The following GALNT16 variants were observed in gnomAD, a reference collection of about 807,000 sequenced individuals.
GALNT16 encodes the protein polypeptide N-acetylgalactosaminyltransferase 16.
GALNT16 carries 40 observed loss-of-function variants against 76.1 expected under a neutral mutation model. The ratio of observed to expected loss-of-function variants is 0.53; its 90% CI spans 0.41 to 0.68. The LOEUF (loss-of-function observed/expected upper bound fraction) is 0.68, where lower values mean the gene tolerates loss of function less well. Ranked by LOEUF, GALNT16 falls within the 30% of genes least tolerant of loss-of-function variation. The probability of loss-of-function intolerance (pLI) is 0.00; values close to 1 mark genes in which losing one functional copy is unlikely to be tolerated. For synonymous variants in GALNT16, 276 were observed against 285.2 expected (o/e 0.97, Z 0.32); for missense variants, 621 against 731.9 (o/e 0.85, Z 1.75).
At chr14:69,265,405 G>A (rs546035414) in intron 1 of GALNT16, among the ~76,000 whole-genome samples, 103 of 152,302 alleles carry the variant, frequency 6.8e-4, no homozygotes, top group African/African-American at 2.5e-3. Context: ...TTCTTCCATG[G>A]TGGCTGTGTT....
chr14:69,300,787 A>G (rs1446472090), intron 1 of GALNT16, among the ~76,000 whole-genome samples: 1 of 152,090 alleles, frequency 6.6e-6, no homozygotes, highest in Non-Finnish European at 1.5e-5. Flanking sequence ...AATTAAAGCA[A>G]AACTCCTGTT....
chr14:69,359,356 T>C (rs2045710434), downstream of GALNT16: 1 of 152,240 alleles, frequency 6.6e-6, no homozygotes, highest in African/African-American at 2.4e-5. Flanking sequence ...ATAAAGCATT[T>C]TGGCATTTAG....
At chr14:69,356,552 C>CTTTTTTT (rs771252426), downstream of GALNT16, 1 of 81,078 alleles carries the variant, frequency 1.2e-5, no homozygotes, top group East Asian at 2.6e-4. Flanking sequence ...CAGCTGTGAG[C>CTTTTTTT]TCTTTTTTTT....
chr14:69,337,898 A>C (rs1461602844), intron 9 of GALNT16, among the ~76,000 whole-genome samples: 1 of 152,182 alleles, frequency 6.6e-6, no homozygotes, highest in African/African-American at 2.4e-5. Context: ...GGAAGAGACT[A>C]TAGGGTTAAT....
the GALNT16 span, among the ~76,000 whole-genome samples, chr14:69,372,957 T>C: frequency 1.1e-4 from 17 of 152,202 alleles, no homozygotes; most frequent in Non-Finnish European, 1.2e-4. Context: ...AGCATTGTGG[T>C]AATCCTTCCT....
chr14:69,336,860 G>C (rs901621921), intron 9 of GALNT16, among the ~76,000 whole-genome samples: 7 of 151,928 alleles, frequency 4.6e-5, no homozygotes, highest in Admixed American at 4.6e-4. Context: ...AAATAGCTGG[G>C]ACTACAGGTG....
At chr14:69,296,767 T>C (rs562546310) in intron 1 of GALNT16, among the ~76,000 whole-genome samples, 5 of 130,998 alleles carry the variant, frequency 3.8e-5, no homozygotes, top group African/African-American at 1.3e-4. Context: ...GATAGATAGA[T>C]AGACAGATAG....
chr14:69,261,115 G>A lies in GALNT16; in HGVS notation c.177+648G>A, dbSNP rs1332421188. Reference sequence around the variant, plus strand: ...ACCTTAGGGTCCGCCACCACGGGTAGGTGGGCAGTGTCAGCGCCCGAACTT... The same window carrying A: ...ACCTTAGGGTCCGCCACCACGGGTAAGTGGGCAGTGTCAGCGCCCGAACTT... On this transcript the variant is annotated intron_variant, in intron 1 of 14. Transcript: ENST00000448469. The surrounding 1 kb of genome is among the most constrained non-coding windows in gnomAD (Gnocchi z 6.4). Among the ~76,000 whole-genome samples the A allele has an allele frequency of 5.3e-5, 8 of 152,344 alleles. No homozygotes were observed. Among genetic ancestry groups the A allele is most frequent in the African/African-American group, 1.7e-4 (7 of 41,590 alleles).
intron 11 of GALNT16, 83 bp downstream of exon 11, chr14:69,339,702 A>T (rs1038541628): frequency 5.6e-5 from 47 of 835,652 alleles, no homozygotes; most frequent in Non-Finnish European, 8.8e-5. Context: ...TATGTACGCC[A>T]GGGAACCACC....
the GALNT16 span, among the ~76,000 whole-genome samples, chr14:69,376,353 C>T: frequency 6.6e-6 from 1 of 152,194 alleles, no homozygotes; most frequent in Admixed American, 6.5e-5. Context: ...TATGTTTCCT[C>T]ACCCTGTATG....
At chr14:69,303,776 T>C (rs1051566608) in intron 1 of GALNT16, among the ~76,000 whole-genome samples, 2 of 152,204 alleles carry the variant, frequency 1.3e-5, no homozygotes, top group African/African-American at 4.8e-5. Context: ...CTCCCTTTAT[T>C]GTGCAAGCAT....
At chr14:69,322,984 GCGCGCACGCGCGCACGCATGCA>G (rs1253900094) in intron 2 of GALNT16, among the ~76,000 whole-genome samples, 4 of 34,904 alleles carry the variant, frequency 1.1e-4, no homozygotes, top group African/African-American at 7.7e-4. Flanking sequence ...GTGTGTGTGC[GCGCGCACGCGCGCACGCATGCA>G]CACGTGTAGG....
At chr14:69,376,658 C>T in the GALNT16 span, among the ~76,000 whole-genome samples, 1 of 151,678 alleles carries the variant, frequency 6.6e-6, no homozygotes, top group Non-Finnish European at 1.5e-5. Flanking sequence ...TTATGTAATA[C>T]ACTGACTCAT....
At chr14:69,362,644 A>G in the GALNT16 span, among the ~76,000 whole-genome samples, 4 of 152,364 alleles carry the variant, frequency 2.6e-5, no homozygotes, top group East Asian at 7.7e-4. Flanking sequence ...TCTCAACTGA[A>G]AAATGGGTAT....
At chr14:69,278,008 C>CTT (rs535285438) in intron 1 of GALNT16, among the ~76,000 whole-genome samples, 13 of 140,564 alleles carry the variant, frequency 9.2e-5, no homozygotes, top group East Asian at 4.1e-4. Context: ...GAAATACCAT[C>CTT]TTTTTTTTTT....
intron 1 of GALNT16, among the ~76,000 whole-genome samples, chr14:69,286,950 T>C (rs1338876931): frequency 6.6e-6 from 1 of 152,168 alleles, no homozygotes; most frequent in Admixed American, 6.5e-5. Flanking sequence ...CAATTTGCCC[T>C]CTTTCCAGTC....
intron 6 of GALNT16, among the ~76,000 whole-genome samples, chr14:69,328,833 G>C (rs1286038375): frequency 6.6e-6 from 1 of 152,228 alleles, no homozygotes; most frequent in African/African-American, 2.4e-5. Context: ...CTACAAATGG[G>C]TGTTGTTTTT....
At chr14:69,322,925 G>GGGGTGTGTGTGTGTGTGTGT (rs797021875) in intron 2 of GALNT16, among the ~76,000 whole-genome samples, 10 of 103,858 alleles carry the variant, frequency 9.6e-5, no homozygotes, top group African/African-American at 3.9e-4. Flanking sequence ...TGGCTCACGG[G>GGGGTGTGTGTGTGTGTGTGT]GTGTGTGTGT....
intron 1 of GALNT16, among the ~76,000 whole-genome samples, chr14:69,273,308 C>G (rs2044429818): frequency 6.6e-6 from 1 of 152,200 alleles, no homozygotes; most frequent in African/African-American, 2.4e-5. Flanking sequence ...TATTTCCAGT[C>G]TGTTGCTTTT....
Sources: gnomAD v4.1 joint callset for allele counts (sites outside exome capture counted in the v4.1 genomes callset) on GRCh38, gnomAD v4.1.1 for gene constraint, Gnocchi (gnomAD v3.1) non-coding constraint, MANE v1.5 for transcripts, NCBI Gene and HGNC (gene_info 2026-07-23, HGNC 2026-07-21) for gene names.